The following SLC10A1 variants were observed in gnomAD, a reference collection of about 807,000 sequenced individuals.
SLC10A1 encodes solute carrier family 10 member 1, also known as hepatic sodium/bile acid cotransporter.
SLC10A1 carries 36 observed loss-of-function variants against 20.5 expected under a neutral mutation model. The ratio of observed to expected loss-of-function variants is 1.75; its 90% CI spans 1.34 to 2.32. The LOEUF (loss-of-function observed/expected upper bound fraction) is 2.32, where lower values mean the gene tolerates loss of function less well. Ranked by LOEUF, SLC10A1 falls within the 30% of genes most tolerant of loss-of-function variation. SLC10A1 has a pLI of 0.00. For synonymous variants in SLC10A1, 188 were observed against 163.6 expected, an observed-to-expected ratio of 1.15 and a Z score of -1.14; for missense variants, 545 against 439.1, an observed-to-expected ratio of 1.24 and a Z score of -2.16.
chr14:69,786,269 C>T lies in SLC10A1; in HGVS notation c.395G>A (p.Gly132Asp). The change falls in exon 2 of 5, where the codon GGC (glycine) becomes GAC (aspartate). Residue 132 changes from glycine to aspartate, a missense_variant. By Grantham distance (94) the Gly-to-Asp change is moderately conservative. Coordinates refer to ENST00000216540, the MANE Select transcript of SLC10A1 (RefSeq NM_003049.4). Reference protein sequence around the residue: ...MTTCSTFCALGMMPLLLYIYS... With the variant: ...MTTCSTFCALDMMPLLLYIYS... ...GATGTACAGGAGGAGAGGCATCATG[C>T]CAAGGGCACAGAAGGTGGAGCAGGT... The T allele has an allele frequency of 6.2e-7, 1 of 1,613,992 alleles. No homozygotes were observed. The highest frequency in any genetic ancestry group is 8.5e-7 in the Non-Finnish European group (1 of 1,180,000).
rs201015997 is a variant in SLC10A1 at position 69,797,133 on chromosome 14, G to T, written c.23C>A (p.Ala8Asp). 9.3e-5 allele frequency: 150 copies of T among 1,612,178 alleles called. No homozygotes were observed. Among genetic ancestry groups the T allele is most frequent in the Non-Finnish European group, 1.2e-4 (147 of 1,178,960 alleles). Residue 8 changes from alanine to aspartate, a missense_variant, in exon 1 of 5, where the codon GCC becomes GAC. Physicochemically the swap from Ala to Asp is moderately radical, Grantham distance 126. Transcript: ENST00000216540. MEAHNAS[A>D]PFNFTLPPNF... ...GGGTGGCAGGGTGAAGTTGAATGGG[G>T]CAGACGCGTTGTGGGCCTCCATCCT...
In SLC10A1 at chr14:69,796,982, AG is replaced by A; in HGVS notation, c.173del (p.Pro58LeufsTer28). 6.2e-7 allele frequency: 1 copy of A among 1,614,214 alleles called. No individual in the cohort carries two copies. Among genetic ancestry groups the A allele is most frequent in the Non-Finnish European group, 8.5e-7 (1 of 1,180,036 alleles). ...CCACCAGGGCGATGGCCAGCCCTTT[AG>A]GCTTCCATAAGTGAGCCTTGATCTT... The part of the protein sequence containing the change: ...FSKIKAHLWK[P>X]KGLAIALVAQ... On this transcript the variant is annotated frameshift_variant, in exon 1 of 5. Coordinates refer to ENST00000216540, the MANE Select transcript of SLC10A1 (RefSeq NM_003049.4). LOFTEE classifies it high-confidence loss of function.
chr14:69,783,559 G>C (rs116263820), intron 2 of SLC10A1, among the ~76,000 whole-genome samples: 1 of 152,122 alleles, frequency 6.6e-6, no homozygotes, highest in Non-Finnish European at 1.5e-5. Context: ...AGAAGGGCAC[G>C]TGCAAAGAGA....
chr14:69,786,392 G>A, intron 1 of SLC10A1, 85 bp from the exon 2 acceptor site: 1 of 1,070,958 alleles, frequency 9.3e-7, no homozygotes, highest in South Asian at 1.3e-5. Flanking sequence ...GTGCCACTGT[G>A]CTAAGTGCTT....
chr14:69,796,476 A>T (rs1418046892), intron 1 of SLC10A1, among the ~76,000 whole-genome samples: 2 of 152,172 alleles, frequency 1.3e-5, no homozygotes, highest in Non-Finnish European at 2.9e-5. Flanking sequence ...TTGTAGGTGG[A>T]TGCAGTTCTC....
chr14:69,793,339 G>C (rs1018900252), intron 1 of SLC10A1, among the ~76,000 whole-genome samples: 1 of 152,198 alleles, frequency 6.6e-6, no homozygotes, highest in African/African-American at 2.4e-5. Flanking sequence ...CCAAGGGACA[G>C]GGACGGGCAA....
chr14:69,784,155 C>G (rs1420141723), intron 2 of SLC10A1, among the ~76,000 whole-genome samples: 2 of 152,100 alleles, frequency 1.3e-5, no homozygotes, highest in African/African-American at 4.8e-5. Flanking sequence ...AGGCAGAAAG[C>G]TTGGTCTGAA....
intron 1 of SLC10A1, among the ~76,000 whole-genome samples, chr14:69,793,264 T>A (rs1882318299): frequency 6.6e-6 from 1 of 152,030 alleles, no homozygotes; most frequent in Non-Finnish European, 1.5e-5. Flanking sequence ...GGTCCTGGGG[T>A]CAGGTCAGGG....
chr14:69,778,178 A>G (rs1278612101), intron 4 of SLC10A1, among the ~76,000 whole-genome samples, 155 bp downstream of exon 4: 3 of 152,148 alleles, frequency 2.0e-5, no homozygotes, highest in African/African-American at 7.2e-5. Flanking sequence ...TGGATCTTTA[A>G]TGCTTCTTGG....
Position 69,797,224 on chromosome 14 carries a change from T to A in SLC10A1, c.-69A>T. ...ACTCCGTTTCTTGTGCAGTTCTTGC[T>A]GGATGCCTTCTTTAATCACCTCTCA... On this transcript the variant is annotated 5_prime_UTR_variant, in exon 1 of 5. Transcript: ENST00000216540. The A allele has an allele frequency of 7.4e-7, 1 of 1,345,300 alleles. No individual in the cohort carries two copies. Among genetic ancestry groups the A allele is most frequent in the Non-Finnish European group, 1.0e-6 (1 of 971,698 alleles). The allele number at this position is 1,345,300 out of a possible 1,614,324, so 83.3% of individuals were successfully genotyped here.
At chr14:69,787,927 G>T (rs1883760248) in intron 1 of SLC10A1, among the ~76,000 whole-genome samples, 1 of 152,192 alleles carries the variant, frequency 6.6e-6, no homozygotes, top group East Asian at 1.9e-4. Context: ...AGGTGTGGTG[G>T]TGTGCACCAG....
chr14:69,786,071 A>G (rs369627056), intron 2 of SLC10A1, 26 bp downstream of exon 2: 1 of 1,589,776 alleles, frequency 6.3e-7, no homozygotes, highest in African/African-American at 1.3e-5. Flanking sequence ...TTTTGCCCTA[A>G]TTTGTCAAGC....
intron 2 of SLC10A1, among the ~76,000 whole-genome samples, chr14:69,781,349 A>T (rs1346394343): frequency 2.0e-5 from 3 of 152,222 alleles, no homozygotes; most frequent in African/African-American, 7.2e-5. Flanking sequence ...TGCCCTGCTC[A>T]CAACTGGGAT....
intron 1 of SLC10A1, among the ~76,000 whole-genome samples, chr14:69,792,104 A>G (rs1397318201): frequency 6.6e-6 from 1 of 152,068 alleles, no homozygotes; most frequent in Non-Finnish European, 1.5e-5. Context: ...GGTGCACATC[A>G]CCATGCCCAG....
chr14:69,785,387 G>C (rs1252152149), intron 2 of SLC10A1, among the ~76,000 whole-genome samples: 1 of 152,102 alleles, frequency 6.6e-6, no homozygotes, highest in East Asian at 1.9e-4. Flanking sequence ...TGCCACATCA[G>C]CCAAATTTGC....
At chr14:69,776,687 G>A (rs1367817685) in intron 4 of SLC10A1, among the ~76,000 whole-genome samples, 1 of 152,174 alleles carries the variant, frequency 6.6e-6, no homozygotes, top group African/African-American at 2.4e-5. Flanking sequence ...ATGTATGCAA[G>A]GTCTGTGTTG....
At chr14:69,784,635 CTT>C (rs1883670537) in intron 2 of SLC10A1, among the ~76,000 whole-genome samples, 1 of 152,074 alleles carries the variant, frequency 6.6e-6, no homozygotes, top group Non-Finnish European at 1.5e-5. Context: ...GTGAGAGACA[CTT>C]TTTGTTTTGT....
intron 1 of SLC10A1, among the ~76,000 whole-genome samples, chr14:69,793,407 A>T (rs1305904578): frequency 6.6e-6 from 1 of 151,940 alleles, no homozygotes; most frequent in African/African-American, 2.4e-5. Flanking sequence ...TTCAGGGGGA[A>T]AGGGGCACAT....
At chr14:69,784,369 G>A (rs1206765950) in intron 2 of SLC10A1, among the ~76,000 whole-genome samples, 1 of 152,198 alleles carries the variant, frequency 6.6e-6, no homozygotes, top group Non-Finnish European at 1.5e-5. Context: ...AGTGGAGCAG[G>A]TGGTCATCAA....
Sources: allele counts gnomAD v4.1 joint callset (sites outside exome capture counted in the v4.1 genomes callset), GRCh38; gene constraint gnomAD v4.1.1; transcripts MANE v1.5; gene names NCBI Gene and HGNC (gene_info 2026-07-23, HGNC 2026-07-21).